Variants in KLF9 observed in about 807,000 individuals in gnomAD.
The protein encoded by KLF9 is KLF transcription factor 9.
KLF9 carries 2 observed loss-of-function variants against 17.3 expected under a neutral mutation model. The ratio of observed to expected loss-of-function variants is 0.12; its 90% CI spans 0.05 to 0.36. KLF9 has a LOEUF of 0.36. KLF9 is among the 10% of genes least tolerant of loss of function. The probability of loss-of-function intolerance (pLI) is 1.00; values close to 1 mark genes in which losing one functional copy is unlikely to be tolerated. For synonymous variants in KLF9, 138 were observed against 139.2 expected (o/e 0.99, Z 0.06); for missense variants, 226 against 333.2 (o/e 0.68, Z 2.51).
At chr9:70,392,401 GGT>G (rs2037158225) in intron 1 of KLF9, among the ~76,000 whole-genome samples, 1 of 152,140 alleles carries the variant, frequency 6.6e-6, no homozygotes, top group African/African-American at 2.4e-5. Flanking sequence ...GCCACCCAGT[GGT>G]GTGTACGCAG....
intron 1 of KLF9, among the ~76,000 whole-genome samples, chr9:70,409,621 TTGATA>T (rs2037295784): frequency 6.6e-6 from 1 of 152,170 alleles, no homozygotes; most frequent in South Asian, 2.1e-4. Flanking sequence ...AATAATATGC[TTGATA>T]TATTTTCATA....
chr9:70,389,468 C>G (rs190401719), intron 1 of KLF9, among the ~76,000 whole-genome samples: 1 of 152,166 alleles, frequency 6.6e-6, no homozygotes, highest in Non-Finnish European at 1.5e-5. Flanking sequence ...TACCAAGGCC[C>G]GTGCTCTTGG....
chr9:70,409,137 T>C (rs1222702002), intron 1 of KLF9, among the ~76,000 whole-genome samples: 2 of 61,556 alleles, frequency 3.2e-5, no homozygotes, highest in Non-Finnish European at 9.3e-5. Flanking sequence ...TATGTATACA[T>C]ATATATGTAT....
At chr9:70,407,589 C>G (rs544206556) in intron 1 of KLF9, among the ~76,000 whole-genome samples, 1 of 152,174 alleles carries the variant, frequency 6.6e-6, no homozygotes, top group East Asian at 1.9e-4. Context: ...TTTGCTAGGG[C>G]AGATAGATGG....
At chr9:70,411,854 G>T (rs897273065) in intron 1 of KLF9, among the ~76,000 whole-genome samples, 1 of 152,116 alleles carries the variant, frequency 6.6e-6, no homozygotes, top group Non-Finnish European at 1.5e-5. Flanking sequence ...CCTCTGAATG[G>T]CGCTTGTAAA....
rs555445045 is a variant in KLF9 at position 70,413,300 on chromosome 9, C to A, written c.64G>T (p.Ala22Ser). The A allele has an allele frequency of 1.4e-5, 22 of 1,608,792 alleles. No homozygotes were observed. In the South Asian group the frequency reaches 2.1e-4, roughly 15 times the overall value. ...AQCLVSISNR[A>S]AVPEHGVAPD... is the part of the protein sequence containing the mutation. ...GCGACCCCATGCTCCGGCACCGCAG[C>A]GCGGTTCGAAATGGAAACCAGACAC... Residue 22 changes from alanine (A) to serine (S), a missense_variant, in exon 1 of 2, where the codon GCT (alanine) becomes TCT (serine). Transcript: ENST00000377126. The surrounding 1 kb of genome is among the most constrained non-coding windows in gnomAD (Gnocchi z 5.6).
In KLF9 at chr9:70,414,578, GAATA is replaced by G. The variant is rs2037369006; in HGVS notation, c.-1219_-1216del. ...TTATGGATGAGAGGACAGGGGTGAT[GAATA>G]AATGCAGTGTGAATCTATAATTAAA... On this transcript the variant is annotated 5_prime_UTR_variant, in exon 1 of 2. Transcript: ENST00000377126. The G allele has an allele frequency of 6.6e-6, 1 of 152,170 alleles. No individual in the cohort carries two copies. The highest frequency in any genetic ancestry group is 1.5e-5 in the Non-Finnish European group (1 of 68,020). The allele number at this position is 152,170 out of a possible 1,614,324, so 9.4% of individuals were successfully genotyped here. A position where few individuals can be genotyped will look rare whatever the true frequency, so the allele number is the denominator to read the frequency against.
rs200313776 is a variant in KLF9, at chr9:70,409,083, C to CATATATGTATATATATAT, written c.505+3775_505+3776insATATATATATACATATAT. 4.9e-5 allele frequency among the ~76,000 whole-genome samples: 3 copies of CATATATGTATATATATAT among 61,098 alleles called. No homozygotes were observed. The Admixed American group carries it at 5.9e-4, about 12-fold the overall frequency. 40.1% of individuals were successfully genotyped at this position (61,098 alleles called of 152,430 possible). ...GTGTATATATATGTGTATATATATA[C>CATATATGTATATATATAT]ACATATATGTATATATATGTGTATA... On this transcript the variant is annotated intron_variant, in intron 1 of 1. Transcript: ENST00000377126.
chr9:70,390,989 T>C (rs2037150084), intron 1 of KLF9, among the ~76,000 whole-genome samples: 2 of 152,148 alleles, frequency 1.3e-5, no homozygotes, highest in Admixed American at 6.5e-5. Context: ...AGCTCAGTGT[T>C]TTCTCAATGC....
At chr9:70,410,074 A>T (rs1483145692) in intron 1 of KLF9, among the ~76,000 whole-genome samples, 1 of 152,226 alleles carries the variant, frequency 6.6e-6, no homozygotes, top group Non-Finnish European at 1.5e-5. Flanking sequence ...AGGCTTAAAC[A>T]AAGCAGAGGT....
At chr9:70,403,190 T>C (rs1277759532) in intron 1 of KLF9, among the ~76,000 whole-genome samples, 4 of 152,160 alleles carry the variant, frequency 2.6e-5, no homozygotes, top group Non-Finnish European at 5.9e-5. Flanking sequence ...CTAAATGGGA[T>C]GACAGAGAGA....
intron 1 of KLF9, among the ~76,000 whole-genome samples, chr9:70,397,889 T>C (rs1223231086): frequency 6.6e-6 from 1 of 152,180 alleles, no homozygotes; most frequent in African/African-American, 2.4e-5. Flanking sequence ...GTTGCTTTTT[T>C]CCCATTCTCC....
intron 1 of KLF9, among the ~76,000 whole-genome samples, chr9:70,391,026 T>C (rs1206148718): frequency 6.6e-6 from 1 of 151,966 alleles, no homozygotes; most frequent in Non-Finnish European, 1.5e-5. Context: ...TCATTAGAAG[T>C]GGTTTTCTTG....
intron 1 of KLF9, among the ~76,000 whole-genome samples, chr9:70,388,272 A>G (rs1488489073): frequency 1.3e-5 from 2 of 152,152 alleles, no homozygotes; most frequent in Admixed American, 6.5e-5. Context: ...GTGTCTTTAT[A>G]AGAGGAGATG....
In KLF9 at chr9:70,386,544, A is replaced by G. The variant is rs2037111603; in HGVS notation, c.*1232T>C. On this transcript the variant is annotated 3_prime_UTR_variant, in exon 2 of 2. Transcript: ENST00000377126. Reference sequence around the variant, plus strand: ...CTATTTCAGCTCCCTTTCCTTCTACATAACTCTTGCACCTGAGAGTGGGAG... The same window carrying G: ...CTATTTCAGCTCCCTTTCCTTCTACGTAACTCTTGCACCTGAGAGTGGGAG... 6.6e-6 allele frequency: 1 copy of G among 152,658 alleles called. No homozygotes were observed. Among genetic ancestry groups the G allele is most frequent in the Non-Finnish European group, 1.5e-5 (1 of 68,044 alleles). The allele number at this position is 152,658 out of a possible 1,614,324, so 9.5% of individuals were successfully genotyped here. A position where few individuals can be genotyped will look rare whatever the true frequency, so the allele number is the denominator to read the frequency against.
chr9:70,389,515 C>T (rs12001829), intron 1 of KLF9, among the ~76,000 whole-genome samples: 3,794 of 152,274 alleles, frequency 0.025, 139 homozygotes, highest in African/African-American at 0.086. Flanking sequence ...GTCCTGGGGA[C>T]TTGACAATTT....
intron 1 of KLF9, among the ~76,000 whole-genome samples, chr9:70,406,881 GAA>G (rs1225830022): frequency 1.4e-5 from 2 of 144,066 alleles, no homozygotes; most frequent in Non-Finnish European, 3.1e-5. Flanking sequence ...CAGCCAAAGG[GAA>G]AGAGAGAGAG....
At chr9:70,397,863 G>C (rs533627424) in intron 1 of KLF9, among the ~76,000 whole-genome samples, 22 of 152,244 alleles carry the variant, frequency 1.4e-4, no homozygotes, top group African/African-American at 5.3e-4. Flanking sequence ...CAACATGCAG[G>C]TACGAAACAT....
intron 1 of KLF9, among the ~76,000 whole-genome samples, chr9:70,389,517 T>G (rs1357014951): frequency 6.6e-6 from 1 of 152,160 alleles, no homozygotes; most frequent in East Asian, 1.9e-4. Flanking sequence ...CCTGGGGACT[T>G]GACAATTTCC....
Sources: gnomAD v4.1 joint callset for allele counts (sites outside exome capture counted in the v4.1 genomes callset) on GRCh38, gnomAD v4.1.1 for gene constraint, Gnocchi (gnomAD v3.1) non-coding constraint, MANE v1.5 for transcripts, NCBI Gene and HGNC (gene_info 2026-07-23, HGNC 2026-07-21) for gene names.